The following LCORL variants were observed in gnomAD, a reference collection of about 807,000 sequenced individuals.
LCORL encodes ligand dependent nuclear receptor corepressor like.
A neutral mutation model predicts 141.8 loss-of-function variants in LCORL; 41 were observed. The observed-to-expected ratio is 0.29, with a 90% confidence interval of 0.23 to 0.38. The LOEUF (loss-of-function observed/expected upper bound fraction) is 0.38, where lower values mean the gene tolerates loss of function less well. Ranked by LOEUF, LCORL falls within the 10% of genes least tolerant of loss-of-function variation. The pLI, the probability that LCORL is intolerant of heterozygous loss-of-function variation, is 1.00. For missense variants in LCORL, 1,759 were observed against 2,035.0 expected, an observed-to-expected ratio of 0.86 and a Z score of 2.61; for synonymous variants, 618 against 694.1, an observed-to-expected ratio of 0.89 and a Z score of 1.72.
rs1366704083 is a variant in LCORL at position 18,021,669 on chromosome 4, C to T, written c.83G>A (p.Arg28Gln). 1 of 1,545,288 alleles carries T rather than the reference C, an allele frequency of 6.5e-7. No individual in the cohort carries two copies. Among genetic ancestry groups the T allele is most frequent in the Admixed American group, 2.0e-5 (1 of 50,628 alleles). ...GAATCCTCTTCTCTCCGCCGCGCAC[C>T]GAGGGCTCCGGCACTGAGCGGCGGC... Residue 28 changes from arginine to glutamine, a missense_variant, in exon 1 of 8, where the codon CGG (arginine) becomes CAG (glutamine). Coordinates refer to ENST00000635767, the Ensembl canonical transcript of LCORL. This position sits in a 1 kb window ranked among gnomAD's most constrained non-coding sequence, Gnocchi z 5.5.
chr4:17,948,613 A>T (rs1362095804), intron 4 of LCORL, among the ~76,000 whole-genome samples: 1 of 152,024 alleles, frequency 6.6e-6, no homozygotes, highest in Non-Finnish European at 1.5e-5. Flanking sequence ...CAGATTTTCT[A>T]TCACTATGAT....
chr4:18,010,755 A>G lies in LCORL; in HGVS notation c.154+10843T>C, dbSNP rs61067441. Among the ~76,000 whole-genome samples, 405 of 152,270 alleles carry G rather than the reference A, an allele frequency of 2.7e-3. 3 individuals carry two copies. The highest frequency in any genetic ancestry group is 9.0e-3 in the African/African-American group (376 of 41,548). On this transcript the variant is annotated intron_variant, in intron 1 of 7. Transcript: ENST00000635767. ...ACGTGAGCCACCGGGCCCGGCCATA[A>G]CATATTTTTTAAAATATCCAGAACA...
At position 18,021,819 on chromosome 4, in the gene LCORL, C is replaced by T. The variant is rs1725671707; in HGVS notation, c.-68G>A. The T allele has an allele frequency of 7.7e-7, 1 of 1,303,420 alleles. No homozygotes were observed. Among genetic ancestry groups the T allele is most frequent in the Non-Finnish European group, 9.9e-7 (1 of 1,005,296 alleles). The allele number at this position is 1,303,420 out of a possible 1,614,324, so 80.7% of individuals were successfully genotyped here. On this transcript the variant is annotated 5_prime_UTR_variant, in exon 1 of 8. Coordinates refer to ENST00000635767, the Ensembl canonical transcript of LCORL. The surrounding 1 kb of genome is among the most constrained non-coding windows in gnomAD (Gnocchi z 5.5). ...CAGGCACGAGGCAGGGGCGCGAGCC[C>T]TCGGCGCGAGCCCCGGAGCGCGCGC...
chr4:17,999,078 T>C (rs1017146781), intron 1 of LCORL, among the ~76,000 whole-genome samples: 3 of 149,082 alleles, frequency 2.0e-5, no homozygotes, highest in Non-Finnish European at 4.4e-5. Flanking sequence ...TCAAGTATTA[T>C]GTACTGTACA....
At chr4:17,855,065 T>TA (rs991737091) in intron 7 of LCORL, among the ~76,000 whole-genome samples, 7 of 151,898 alleles carry the variant, frequency 4.6e-5, no homozygotes, top group South Asian at 2.1e-4. Flanking sequence ...ACATTTAGAA[T>TA]AAAAAAAACA....
At chr4:17,940,170 A>ATG (rs1386840296) in intron 4 of LCORL, among the ~76,000 whole-genome samples, 2 of 87,962 alleles carry the variant, frequency 2.3e-5, no homozygotes, top group South Asian at 1.3e-3. Flanking sequence ...ATATGTATAC[A>ATG]TGTATATATA....
chr4:17,894,100 T>C (rs996435321), intron 5 of LCORL, among the ~76,000 whole-genome samples: 2 of 152,108 alleles, frequency 1.3e-5, no homozygotes, highest in East Asian at 1.9e-4. Context: ...CGCCTGGCCA[T>C]GGTCTCTAAT....
At position 17,871,673 on chromosome 4, in the gene LCORL, T is replaced by C. The variant is rs369156725; in HGVS notation, c.5602+1715A>G. ...AGCTTTACATTTTATTCTCCATTCA[T>C]GACAGTCTTTAAGAATTATGTGTGT... is the stretch of plus-strand genomic sequence containing the variant. On this transcript the variant is annotated intron_variant, in intron 7 of 7. Coordinates refer to ENST00000635767, the Ensembl canonical transcript of LCORL. 1.9e-4 allele frequency among the ~76,000 whole-genome samples: 29 copies of C among 152,110 alleles called. 1 individual carries two copies. The South Asian group carries it at 3.1e-3, about 16-fold the overall frequency.
intron 5 of LCORL, among the ~76,000 whole-genome samples, chr4:17,895,342 T>TA (rs972136501): frequency 1.3e-5 from 2 of 152,128 alleles, no homozygotes; most frequent in African/African-American, 4.8e-5. Flanking sequence ...GTAATCACTA[T>TA]TCTACTCTCT....
At chr4:17,846,251 GA>G (rs972341988) in intron 7 of LCORL, among the ~76,000 whole-genome samples, 2 of 151,592 alleles carry the variant, frequency 1.3e-5, no homozygotes, top group Non-Finnish European at 3.0e-5. Context: ...GCCACTTTGA[GA>G]AAAAAAAGGG....
At chr4:17,939,825 A>T (rs1191622671) in intron 4 of LCORL, among the ~76,000 whole-genome samples, 1 of 151,476 alleles carries the variant, frequency 6.6e-6, no homozygotes, top group African/African-American at 2.4e-5. Context: ...TGAAGCCAGG[A>T]GAGGGGATGA....
intron 1 of LCORL, among the ~76,000 whole-genome samples, chr4:17,998,237 A>G (rs1721223353): frequency 6.6e-6 from 1 of 152,212 alleles, no homozygotes; most frequent in East Asian, 1.9e-4. Flanking sequence ...GTGAATGTGA[A>G]AGCCTAGGAC....
At chr4:17,846,632 G>T (rs1198293128) in intron 7 of LCORL, among the ~76,000 whole-genome samples, 1 of 152,056 alleles carries the variant, frequency 6.6e-6, no homozygotes, top group Non-Finnish European at 1.5e-5. Flanking sequence ...TGGCTTATTT[G>T]GCTTTACATT....
At chr4:17,911,994 G>C (rs1732630067) in intron 4 of LCORL, 1 of 635,772 alleles carries the variant, frequency 1.6e-6, no homozygotes, top group Non-Finnish European at 3.0e-6. Flanking sequence ...ACAGAGTGAG[G>C]AGCCTGGAGA....
At chr4:17,917,570 G>A (rs1419360332) in intron 4 of LCORL, among the ~76,000 whole-genome samples, 1 of 152,202 alleles carries the variant, frequency 6.6e-6, no homozygotes. Flanking sequence ...TGATTGTTTT[G>A]AAAATTCTCA....
chr4:17,844,273 C>T (rs1044877138), exon 8 of LCORL: 5 of 152,308 alleles, frequency 3.3e-5, no homozygotes, highest in African/African-American at 4.8e-5. Flanking sequence ...GCCTGACTTA[C>T]GAAACTTGTA....
chr4:17,866,594 G>C (rs1290666767), intron 7 of LCORL, among the ~76,000 whole-genome samples: 1 of 151,948 alleles, frequency 6.6e-6, no homozygotes, highest in Non-Finnish European at 1.5e-5. Context: ...CCTGGAACTG[G>C]GAGAAGGAAA....
intron 5 of LCORL, among the ~76,000 whole-genome samples, chr4:17,899,353 AG>A (rs1164323384): frequency 6.7e-6 from 1 of 150,328 alleles, no homozygotes; most frequent in African/African-American, 2.5e-5. Flanking sequence ...AATGATGAAC[AG>A]GGGGCAAGCC....
intron 1 of LCORL, among the ~76,000 whole-genome samples, chr4:18,001,557 A>G (rs1288226488): frequency 1.3e-5 from 2 of 152,220 alleles, no homozygotes; most frequent in African/African-American, 4.8e-5. Context: ...AAAGAACTTA[A>G]AAAAAGAAGT....
Sources: gnomAD v4.1 joint callset for allele counts (sites outside exome capture counted in the v4.1 genomes callset) on GRCh38, gnomAD v4.1.1 for gene constraint, Gnocchi (gnomAD v3.1) non-coding constraint, MANE v1.5 for transcripts, NCBI Gene and HGNC (gene_info 2026-07-23, HGNC 2026-07-21) for gene names.